The following LRRTM4 variants were observed in gnomAD, a reference collection of about 807,000 sequenced individuals.
LRRTM4 encodes leucine-rich repeat transmembrane neuronal protein 4.
Under a neutral mutation model 47.6 loss-of-function variants are expected in LRRTM4, and 25 were observed. That is an observed-to-expected ratio of 0.53 (90% CI 0.38 to 0.73). The LOEUF is 0.73. Among genes scored for constraint, LRRTM4 ranks in the 30% least tolerant of loss-of-function variants. The pLI is 0.00. For missense variants in LRRTM4, 638 were observed against 713.4 expected, an observed-to-expected ratio of 0.89 and a Z score of 1.20; for synonymous variants, 311 against 269.5, an observed-to-expected ratio of 1.15 and a Z score of -1.51.
chr2:76,876,083 T>C (rs974382721), intron 3 of LRRTM4, among the ~76,000 whole-genome samples: 11 of 152,144 alleles, frequency 7.2e-5, no homozygotes, highest in African/African-American at 2.4e-4. Context: ...TCAAGTCTAA[T>C]TGGTGTTTTC....
At chr2:76,931,626 A>G (rs1005945835) in intron 3 of LRRTM4, among the ~76,000 whole-genome samples, 3 of 152,268 alleles carry the variant, frequency 2.0e-5, no homozygotes, top group South Asian at 2.1e-4. Flanking sequence ...ATGAAATCCA[A>G]TTGGCTGGCT....
At chr2:76,885,102 T>C (rs1228466789) in intron 3 of LRRTM4, among the ~76,000 whole-genome samples, 1 of 152,036 alleles carries the variant, frequency 6.6e-6, no homozygotes, top group African/African-American at 2.4e-5. Context: ...ACTGATTTTC[T>C]TCTTTATAAG....
At chr2:77,467,881 T>A (rs180945976) in intron 3 of LRRTM4, among the ~76,000 whole-genome samples, 4,602 of 152,274 alleles carry the variant, frequency 0.03, 111 homozygotes, top group Admixed American at 0.072. Flanking sequence ...AAATATTTTT[T>A]AAAAAATATC....
At chr2:77,262,438 G>C (rs1459732182) in intron 3 of LRRTM4, among the ~76,000 whole-genome samples, 1 of 151,732 alleles carries the variant, frequency 6.6e-6, no homozygotes, top group Non-Finnish European at 1.5e-5. Context: ...GTTATAACTA[G>C]TGATCACGGA....
intron 3 of LRRTM4, among the ~76,000 whole-genome samples, chr2:76,930,155 T>C (rs1192951766): frequency 6.6e-6 from 1 of 152,156 alleles, no homozygotes; most frequent in Non-Finnish European, 1.5e-5. Context: ...AAAACTTGTC[T>C]TAATGGGATT....
At chr2:77,299,927 C>G (rs1677085272) in intron 3 of LRRTM4, among the ~76,000 whole-genome samples, 1 of 148,946 alleles carries the variant, frequency 6.7e-6, no homozygotes, top group East Asian at 2.0e-4. Context: ...TCTCGGCTCA[C>G]TGCAACCTCC....
chr2:76,843,989 C>A (rs931028436), intron 3 of LRRTM4, among the ~76,000 whole-genome samples: 16 of 150,474 alleles, frequency 1.1e-4, no homozygotes, highest in Middle Eastern at 3.5e-3. Flanking sequence ...GCAAGCTCTG[C>A]CTCTCAGGTT....
chr2:76,940,622 T>C (rs887713551), intron 3 of LRRTM4, among the ~76,000 whole-genome samples: 1 of 152,156 alleles, frequency 6.6e-6, no homozygotes, highest in Admixed American at 6.5e-5. Flanking sequence ...CAGGCACATG[T>C]ACCCCTGAAC....
At chr2:76,924,838 T>C (rs570955257) in intron 3 of LRRTM4, among the ~76,000 whole-genome samples, 54 of 152,130 alleles carry the variant, frequency 3.5e-4, no homozygotes, top group African/African-American at 1.2e-3. Context: ...GTAAACCCCA[T>C]GGATTCATAC....
At chr2:77,073,120 C>G (rs13422002) in intron 3 of LRRTM4, among the ~76,000 whole-genome samples, 60,764 of 151,544 alleles carry the variant, frequency 0.4, 14,266 homozygotes, top group East Asian at 0.68. Flanking sequence ...GATTCATACA[C>G]CTGCTATGTT....
chr2:77,124,135 G>C (rs771213913), intron 3 of LRRTM4, among the ~76,000 whole-genome samples: 1 of 151,844 alleles, frequency 6.6e-6, no homozygotes, highest in Admixed American at 6.6e-5. Context: ...GATTAGAAAA[G>C]GAAAAAAATT....
intron 3 of LRRTM4, among the ~76,000 whole-genome samples, chr2:77,088,716 G>A (rs567269034): frequency 1.3e-5 from 2 of 152,148 alleles, no homozygotes; most frequent in Non-Finnish European, 2.9e-5. Context: ...TCCCCTAGGA[G>A]ATCAATCCCC....
chr2:77,461,592 T>A (rs1676791500), intron 3 of LRRTM4, among the ~76,000 whole-genome samples: 1 of 152,148 alleles, frequency 6.6e-6, no homozygotes, highest in South Asian at 2.1e-4. Context: ...CAATAACGAC[T>A]ATTTTTGAGA....
chr2:77,386,292 T>A (rs955447882), intron 3 of LRRTM4, among the ~76,000 whole-genome samples: 5 of 152,086 alleles, frequency 3.3e-5, no homozygotes, highest in Non-Finnish European at 5.9e-5. Flanking sequence ...GCTAGTACAT[T>A]TACATAAGGA....
intron 3 of LRRTM4, among the ~76,000 whole-genome samples, chr2:77,071,186 TA>T (rs1208157677): frequency 6.6e-6 from 1 of 152,190 alleles, no homozygotes; most frequent in Non-Finnish European, 1.5e-5. Context: ...GCAAAGGACG[TA>T]AAAATGATAC....
At chr2:76,965,029 A>C (rs1003262296) in intron 3 of LRRTM4, among the ~76,000 whole-genome samples, 2 of 151,104 alleles carry the variant, frequency 1.3e-5, no homozygotes, top group Admixed American at 1.3e-4. Flanking sequence ...TATTAATGAA[A>C]TTGAATAAAT....
At chr2:77,376,559 TGGTCAGTTATATTTTA>T (rs1281851402) in intron 3 of LRRTM4, among the ~76,000 whole-genome samples, 4 of 151,558 alleles carry the variant, frequency 2.6e-5, no homozygotes, top group Non-Finnish European at 5.9e-5. Context: ...GAGAAAAAAA[TGGTCAGTTATATTTTA>T]GAATGTCCCT....
At chr2:76,889,816 G>A (rs1673193530) in intron 3 of LRRTM4, among the ~76,000 whole-genome samples, 1 of 151,838 alleles carries the variant, frequency 6.6e-6, no homozygotes, top group Non-Finnish European at 1.5e-5. Context: ...ATAGAGTAGA[G>A]AGAAAGAAGA....
intron 3 of LRRTM4, among the ~76,000 whole-genome samples, chr2:77,054,616 A>T (rs1366422796): frequency 1.3e-5 from 2 of 152,224 alleles, no homozygotes; most frequent in Non-Finnish European, 2.9e-5. Context: ...TTTCTCATTA[A>T]TTTGACACTC....
Sources: allele counts gnomAD v4.1 joint callset (sites outside exome capture counted in the v4.1 genomes callset), GRCh38; gene constraint gnomAD v4.1.1; transcripts MANE v1.5; gene names NCBI Gene and HGNC (gene_info 2026-07-23, HGNC 2026-07-21).